Variants in TBC1D24 observed in about 807,000 individuals in gnomAD.
TBC1D24 encodes TBC1 domain family member 24, also known as Infantile myoclonic epilepsy.
A neutral mutation model predicts 50.7 loss-of-function variants in TBC1D24; 47 were observed. That is an observed-to-expected ratio of 0.93 (90% CI 0.73 to 1.18). The LOEUF (loss-of-function observed/expected upper bound fraction) is 1.18. Ranked by LOEUF, TBC1D24 falls within the 50% of genes most tolerant of loss-of-function variation. The pLI, the probability that TBC1D24 is intolerant of heterozygous loss-of-function variation, is 0.00. For synonymous variants in TBC1D24, 324 were observed against 335.2 expected, an observed-to-expected ratio of 0.97 and a Z score of 0.36; for missense variants, 688 against 766.5, an observed-to-expected ratio of 0.90 and a Z score of 1.21.
intron 1 of TBC1D24, among the ~76,000 whole-genome samples, chr16:2,491,270 T>A (rs1181370398): frequency 2.0e-5 from 3 of 152,256 alleles, no homozygotes; most frequent in Non-Finnish European, 4.4e-5. Flanking sequence ...ACTATTTGAC[T>A]TTTTGTGATT....
chr16:2,498,108 CG>C (rs2065759071), intron 3 of TBC1D24, 129 bp from the exon 4 acceptor site: 2 of 1,254,036 alleles, frequency 1.6e-6, no homozygotes, highest in Admixed American at 2.1e-5. Flanking sequence ...GGCCCTAAAC[CG>C]GGGCCGGGGC....
At chr16:2,491,555 A>ATTT (rs34967659) in intron 1 of TBC1D24, among the ~76,000 whole-genome samples, 2 of 134,420 alleles carry the variant, frequency 1.5e-5, no homozygotes. Context: ...CGCCTGGCTA[A>ATTT]TTTTTTTTTT....
In TBC1D24 at chr16:2,486,077, G is replaced by A. The variant is rs1290111035; in HGVS notation, c.-115-9957G>A. 1.3e-5 allele frequency among the ~76,000 whole-genome samples: 2 copies of A among 152,154 alleles called. No individual in the cohort carries two copies. The highest frequency in any genetic ancestry group is 4.8e-5 in the African/African-American group (2 of 41,424). On this transcript the variant is annotated intron_variant, in intron 1 of 7. Transcript: ENST00000646147. The surrounding 1 kb of genome is among the most constrained non-coding windows in gnomAD (Gnocchi z 5.8). Reference sequence around the variant, plus strand: ...GGGGTCGGTGCTCAGGAGCGGGTGGGGCCTGCCGGTCTCCCTAGCCCACCA... The same window carrying A: ...GGGGTCGGTGCTCAGGAGCGGGTGGAGCCTGCCGGTCTCCCTAGCCCACCA...
At position 2,500,158 on chromosome 16, in the gene TBC1D24, C is replaced by T; in HGVS notation, c.1303-110C>T. ...TCCCCAGCCCCTGGCTCGGGCTGCA[C>T]CCACCTTGGGCTCTGGGTGCAGATT... On this transcript the variant is annotated intron_variant, in intron 6 of 7. Transcript: ENST00000646147. This position sits in a 1 kb window ranked among gnomAD's most constrained non-coding sequence, Gnocchi z 8.0. The T allele has an allele frequency of 1.7e-6, 2 of 1,208,220 alleles. No homozygotes were observed. Among genetic ancestry groups the T allele is most frequent in the South Asian group, 1.3e-5 (1 of 77,176 alleles). 74.8% of individuals were successfully genotyped at this position (1,208,220 alleles called of 1,614,324 possible).
rs1336114565 is a variant in TBC1D24 at position 2,502,866 on chromosome 16, G to C, written c.*1908G>C. 1 of 152,818 alleles carries C rather than the reference G, an allele frequency of 6.5e-6. No individual in the cohort carries two copies. Among genetic ancestry groups the C allele is most frequent in the South Asian group, 2.1e-4 (1 of 4,838 alleles). 9.5% of individuals were successfully genotyped at this position (152,818 alleles called of 1,614,324 possible). A position where few individuals can be genotyped will look rare whatever the true frequency, so the allele number is the denominator to read the frequency against. On this transcript the variant is annotated 3_prime_UTR_variant, in exon 8 of 8. Transcript: ENST00000646147. ...ACATGGTCTTGCTGCATCAACTCCA[G>C]GGCTCCAAGCTGAGTCTGATCTCTT...
rs1596976463 is a variant in TBC1D24 at position 2,503,810 on chromosome 16, T to G, written c.*2852T>G. 6.6e-6 allele frequency: 1 copy of G among 151,542 alleles called. No individual in the cohort carries two copies. Among genetic ancestry groups the G allele is most frequent in the Non-Finnish European group, 1.5e-5 (1 of 67,996 alleles). 9.4% of individuals were successfully genotyped at this position (151,542 alleles called of 1,614,324 possible). Reference sequence around the variant, plus strand: ...CCTGACCTCGTGATCCACCCCCCCCTCAGCCTCCCAAAGTGCTGGGATTAC... The same window carrying G: ...CCTGACCTCGTGATCCACCCCCCCCGCAGCCTCCCAAAGTGCTGGGATTAC... On this transcript the variant is annotated 3_prime_UTR_variant, in exon 8 of 8. Coordinates refer to ENST00000646147, the MANE Select transcript of TBC1D24 (RefSeq NM_001199107.2).
intron 1 of TBC1D24, among the ~76,000 whole-genome samples, chr16:2,494,080 A>G (rs1018510927): frequency 6.6e-6 from 1 of 151,846 alleles, no homozygotes; most frequent in Admixed American, 6.5e-5. Flanking sequence ...GTGGGATAGC[A>G]TAGGCTGTGA....
intron 1 of TBC1D24, chr16:2,484,854 G>C (rs1184362872): frequency 4.6e-5 from 7 of 152,324 alleles, no homozygotes; most frequent in Non-Finnish European, 1.0e-4. Context: ...GCCTTTCCCA[G>C]CACGTAGGTG....
chr16:2,499,062 A>T lies in TBC1D24; in HGVS notation c.1143-295A>T, dbSNP rs1048755200. Among the ~76,000 whole-genome samples, 9 of 152,120 alleles carry T rather than the reference A, an allele frequency of 5.9e-5. No homozygotes were observed. The highest frequency in any genetic ancestry group is 2.2e-4 in the African/African-American group (9 of 41,422). ...CTGCGAGGATGGCCCAAACCTCCCCACCGCAGGGACCTGTTCCTCTGGTTC... is the reference window on the plus strand; with the variant it reads ...CTGCGAGGATGGCCCAAACCTCCCCTCCGCAGGGACCTGTTCCTCTGGTTC... On this transcript the variant is annotated intron_variant, in intron 4 of 7. Transcript: ENST00000646147. This position sits in a 1 kb window ranked among gnomAD's most constrained non-coding sequence, Gnocchi z 4.0.
intron 1 of TBC1D24, among the ~76,000 whole-genome samples, chr16:2,489,507 G>T (rs537761865): frequency 3.3e-5 from 5 of 152,182 alleles, no homozygotes; most frequent in African/African-American, 1.2e-4. Context: ...TGATCTGCAG[G>T]TACCTTGAGC....
rs1235973939 is a variant in TBC1D24 at position 2,486,383 on chromosome 16, A to C, written c.-115-9651A>C. ...TGCTCAGACCAGATGGGAAGAAGTG[A>C]GACGAGCGGCAGCTGACGCCCATGC... On this transcript the variant is annotated intron_variant, in intron 1 of 7. Transcript: ENST00000646147. The surrounding 1 kb of genome is among the most constrained non-coding windows in gnomAD (Gnocchi z 5.8). Among the ~76,000 whole-genome samples, 1 of 152,216 alleles carries C rather than the reference A, an allele frequency of 6.6e-6. No individual in the cohort carries two copies. Among genetic ancestry groups the C allele is most frequent in the African/African-American group, 2.4e-5 (1 of 41,440 alleles).
chr16:2,488,162 T>G (rs1402209868), intron 1 of TBC1D24, among the ~76,000 whole-genome samples: 1 of 152,214 alleles, frequency 6.6e-6, no homozygotes, highest in Non-Finnish European at 1.5e-5. Context: ...TTCCTCTTCC[T>G]GTGGGCGCCT....
Position 2,499,929 on chromosome 16 carries a change from G to A in TBC1D24, c.1301G>A (p.Arg434Lys). ...GGGACCGGAGAATGCTTTGTGTTTA[G>A]GGTGAGTGGGGCCAAGTGTCCCCAA... ...FFGTGECFVF[R>K]LQPEVQRYEW... is the part of the protein sequence containing the mutation. Residue 434 changes from arginine to lysine, a missense_variant and splice_region_variant, in exon 6 of 8, where the codon AGG becomes AAG. Physicochemically the swap from Arg to Lys is conservative, Grantham distance 26 (BLOSUM62 2). Transcript: ENST00000646147. This position sits in a 1 kb window ranked among gnomAD's most constrained non-coding sequence, Gnocchi z 4.0. 1.2e-6 allele frequency: 2 copies of A among 1,613,886 alleles called. No individual in the cohort carries two copies. The highest frequency in any genetic ancestry group is 1.7e-4 in the Middle Eastern group (1 of 6,060).
chr16:2,477,222 T>C (rs1303337345), intron 1 of TBC1D24: 1 of 152,252 alleles, frequency 6.6e-6, no homozygotes, highest in East Asian at 1.9e-4. Flanking sequence ...AACCTCAGGC[T>C]TTTTACTGAG....
In TBC1D24 at chr16:2,496,590, G is replaced by A. The variant is rs763626059; in HGVS notation, c.442G>A (p.Glu148Lys). Residue 148 changes from glutamate (E) to lysine (K), a missense_variant, in exon 2 of 8, where the codon GAG becomes AAG. Physicochemically the swap from Glu to Lys is moderately conservative, Grantham distance 56 (BLOSUM62 1). Coordinates refer to ENST00000646147, the MANE Select transcript of TBC1D24 (RefSeq NM_001199107.2). ...CCTGCTGCTGCACTACAGCATCGAC[G>A]AGGCCGAGTGCTTCGAGAAGGCCTG... The part of the protein sequence containing the change: ...VALLLHYSID[E>K]AECFEKACRI... 3.7e-6 allele frequency: 6 copies of A among 1,609,750 alleles called. No homozygotes were observed. Among genetic ancestry groups the A allele is most frequent in the Admixed American group, 1.7e-5 (1 of 60,020 alleles).
Position 2,502,686 on chromosome 16 carries a change from C to T in TBC1D24, c.*1728C>T, listed in dbSNP as rs531083004. 4.2e-3 allele frequency: 636 copies of T among 152,940 alleles called. No homozygotes were observed. Among genetic ancestry groups the T allele is most frequent in the Non-Finnish European group, 6.6e-3 (447 of 68,074 alleles). 9.5% of individuals were successfully genotyped at this position (152,940 alleles called of 1,614,324 possible). ...ATGCCCTGCTGTCCTCCTCACAGGACTGTTGAGAGGCTCGCAGGGGGATGG... is the reference window on the plus strand; with the variant it reads ...ATGCCCTGCTGTCCTCCTCACAGGATTGTTGAGAGGCTCGCAGGGGGATGG... On this transcript the variant is annotated 3_prime_UTR_variant, in exon 8 of 8. Coordinates refer to ENST00000646147, the MANE Select transcript of TBC1D24 (RefSeq NM_001199107.2).
In TBC1D24 at chr16:2,498,181, G is replaced by C. The variant is rs552498585; in HGVS notation, c.984-57G>C. The C allele has an allele frequency of 1.1e-4, 167 of 1,546,964 alleles. 1 individual carries two copies. In the Middle Eastern group the frequency reaches 1.7e-3, roughly 16 times the overall value. On this transcript the variant is annotated intron_variant, in intron 3 of 7. Coordinates refer to ENST00000646147, the MANE Select transcript of TBC1D24 (RefSeq NM_001199107.2). ...AGAGGCTCTGGGGCATACCTCGGGG[G>C]GCATGGCCTGGCCCCAGACGTGCCT... is the stretch of plus-strand genomic sequence containing the variant.
Position 2,498,306 on chromosome 16 carries a change from G to C in TBC1D24, c.1052G>C (p.Arg351Thr). Residue 351 changes from arginine (R) to threonine (T), a missense_variant, in exon 4 of 8, where the codon AGA (arginine) becomes ACA (threonine). Transcript: ENST00000646147. ...RSEIVSVREM[R>T]DIWSWVPERF... is the part of the protein sequence containing the mutation. ...GAGATCGTCAGCGTGAGGGAGATGAGAGACATCTGGTCCTGGGTCCCCGAG... is the reference window on the plus strand; with the variant it reads ...GAGATCGTCAGCGTGAGGGAGATGACAGACATCTGGTCCTGGGTCCCCGAG... The C allele has an allele frequency of 6.2e-7, 1 of 1,611,658 alleles. No homozygotes were observed. The highest frequency in any genetic ancestry group is 8.5e-7 in the Non-Finnish European group (1 of 1,178,970).
chr16:2,503,296 A>T lies in TBC1D24; in HGVS notation c.*2338A>T, dbSNP rs1021094388. ...TTCCTAACTTTTCTACTAACCTAGA[A>T]GGTATGTGTGATTATTATCTTTTTT... On this transcript the variant is annotated 3_prime_UTR_variant, in exon 8 of 8. Transcript: ENST00000646147. 1 of 152,190 alleles carries T rather than the reference A, an allele frequency of 6.6e-6. No homozygotes were observed. Among genetic ancestry groups the T allele is most frequent in the African/African-American group, 2.4e-5 (1 of 41,458 alleles). The allele number at this position is 152,190 out of a possible 1,614,324, so 9.4% of individuals were successfully genotyped here.
Sources: allele counts gnomAD v4.1 joint callset (sites outside exome capture counted in the v4.1 genomes callset), GRCh38; gene constraint gnomAD v4.1.1; non-coding constraint Gnocchi (gnomAD v3.1); transcripts MANE v1.5; gene names NCBI Gene and HGNC (gene_info 2026-07-23, HGNC 2026-07-21).